The following POU2F3 variants were observed in gnomAD, a reference collection of about 807,000 sequenced individuals.
The protein encoded by POU2F3 is POU domain, class 2, transcription factor 3.
In POU2F3, 23 loss-of-function variants were observed where a neutral mutation model predicts 59.2. The ratio of observed to expected loss-of-function variants is 0.39; its 90% CI spans 0.28 to 0.55. The LOEUF is 0.55. Among genes scored for constraint, POU2F3 ranks in the 20% least tolerant of loss-of-function variants. The probability of loss-of-function intolerance (pLI) is 0.66; values close to 1 mark genes in which losing one functional copy is unlikely to be tolerated. For missense variants in POU2F3, 473 were observed against 544.5 expected (o/e 0.87, Z 1.31); for synonymous variants, 190 against 214.6 (o/e 0.89, Z 1.00).
At chr11:120,303,989 A>T (rs1184441236) in intron 6 of POU2F3, 1 of 152,164 alleles carries the variant, frequency 6.6e-6, no homozygotes, top group African/African-American at 2.4e-5. Context: ...CCAAATAGGC[A>T]CAGCATGGTT....
At chr11:120,308,976 A>AAAAG (rs1941578361) in intron 9 of POU2F3, among the ~76,000 whole-genome samples, 13 of 142,676 alleles carry the variant, frequency 9.1e-5, no homozygotes, top group Admixed American at 2.1e-4. Context: ...AAAAAAAAAA[A>AAAAG]GAAATGACAA....
chr11:120,263,054 C>T (rs1389104656), intron 2 of POU2F3, among the ~76,000 whole-genome samples: 3 of 151,736 alleles, frequency 2.0e-5, no homozygotes, highest in Non-Finnish European at 4.4e-5. Context: ...GGCAGTGGCA[C>T]AATCTTGGTT....
intron 11 of POU2F3, 45 bp downstream of exon 11, chr11:120,315,472 A>T (rs535843265): frequency 7.6e-5 from 117 of 1,549,668 alleles, no homozygotes; most frequent in Admixed American, 5.5e-4. Context: ...GAATTCTTTT[A>T]AAAAATGGGA....
At chr11:120,274,229 T>C (rs1359351737) in intron 3 of POU2F3, among the ~76,000 whole-genome samples, 4 of 152,222 alleles carry the variant, frequency 2.6e-5, no homozygotes, top group Non-Finnish European at 4.4e-5. Flanking sequence ...CCATGTGACC[T>C]TGGGCAAGTT....
rs34115412 is a variant in POU2F3, at chr11:120,315,865, C to CTT, written c.1135+461_1135+462dup. On this transcript the variant is annotated intron_variant, in intron 11 of 12. Coordinates refer to ENST00000543440, the MANE Select transcript of POU2F3 (RefSeq NM_014352.4). Reference sequence around the variant, plus strand: ...TAATTATCAATAGCACTTCCTTCCACTTTTTTTTTTTTTTTTTTTTTTTTG... The same window carrying CTT: ...TAATTATCAATAGCACTTCCTTCCACTTTTTTTTTTTTTTTTTTTTTTTTTTG... Among the ~76,000 whole-genome samples the CTT allele has an allele frequency of 1.4e-4, 10 of 73,022 alleles. No individual in the cohort carries two copies. In the South Asian group the frequency reaches 2.0e-3, roughly 15 times the overall value. 47.9% of individuals were successfully genotyped at this position (73,022 alleles called of 152,430 possible). A position where few individuals can be genotyped will look rare whatever the true frequency, so the allele number is the denominator to read the frequency against.
upstream of POU2F3, chr11:120,236,659 CA>C: frequency 2.0e-6 from 3 of 1,495,520 alleles, no homozygotes; most frequent in Non-Finnish European, 2.7e-6. Context: ...GCCCAGAGCT[CA>C]AAAAACCGGT....
intron 8 of POU2F3, 104 bp downstream of exon 8, chr11:120,305,889 C>G: frequency 7.3e-7 from 1 of 1,367,508 alleles, no homozygotes; most frequent in African/African-American, 1.4e-5. Flanking sequence ...CCTAACACCC[C>G]CTTCTTCTCC....
In POU2F3 at chr11:120,307,520, T is replaced by C. The variant is rs912232101; in HGVS notation, c.811T>C (p.Tyr271His). ...CCCCTCAGTGAGCACGCCCAGCTCC[T>C]ACCCCAGCCTCAGTGAAGTATTTGG... ...SDPSVSTPSSYPSLSEVFGRK... is the reference protein window; with the variant it reads ...SDPSVSTPSSHPSLSEVFGRK... Residue 271 changes from tyrosine (Y) to histidine (H), a missense_variant, in exon 9 of 13, where the codon TAC becomes CAC. By Grantham distance (83) the Tyr-to-His change is moderately conservative (BLOSUM62 2). Coordinates refer to ENST00000543440, the MANE Select transcript of POU2F3 (RefSeq NM_014352.4). The C allele has an allele frequency of 6.2e-7, 1 of 1,614,146 alleles. No individual in the cohort carries two copies. Among genetic ancestry groups the C allele is most frequent in the Admixed American group, 1.7e-5 (1 of 60,018 alleles).
At chr11:120,307,141 C>G (rs1181086697) in intron 8 of POU2F3, among the ~76,000 whole-genome samples, 1 of 152,182 alleles carries the variant, frequency 6.6e-6, no homozygotes, top group Non-Finnish European at 1.5e-5. Context: ...TGCCAGTGCC[C>G]CCTTACACCC....
rs147219684 is a variant in POU2F3, at chr11:120,317,290, C to A, written c.1197C>A (p.His399Gln). ...SRPSSPGSGL[H>Q]ASSPTASQNN... Reference sequence around the variant, plus strand: ...CTTCATCTCCTGGCTCAGGACTCCACGCCAGCAGCCCCACTGCATCTCAAA... The same window carrying A: ...CTTCATCTCCTGGCTCAGGACTCCAAGCCAGCAGCCCCACTGCATCTCAAA... The change falls in exon 12 of 13, where the codon CAC becomes CAA. Residue 399 changes from histidine (H) to glutamine (Q), a missense_variant. Physicochemically the swap from His to Gln is conservative, Grantham distance 24. Transcript: ENST00000543440. 30 of 1,613,872 alleles carry A rather than the reference C, an allele frequency of 1.9e-5. No individual in the cohort carries two copies. The highest frequency in any genetic ancestry group is 2.4e-5 in the Non-Finnish European group (28 of 1,179,844).
chr11:120,242,172 C>G (rs1028670405), intron 1 of POU2F3, among the ~76,000 whole-genome samples: 1 of 152,198 alleles, frequency 6.6e-6, no homozygotes, highest in Non-Finnish European at 1.5e-5. Flanking sequence ...GTTTCTGGGT[C>G]TTGGCCCCTC....
chr11:120,299,547 G>A lies in POU2F3; in HGVS notation c.259-77G>A, dbSNP rs1394782672. 9.7e-6 allele frequency: 13 copies of A among 1,340,134 alleles called. No individual in the cohort carries two copies. In the East Asian group the frequency reaches 1.6e-4, roughly 17 times the overall value. 83.0% of individuals were successfully genotyped at this position (1,340,134 alleles called of 1,614,324 possible). The stretch of plus-strand genomic sequence containing the variant: ...CTCTGAGTCTGGAGACCCCTGGGAC[G>A]GACGAGTGGCAGGCAGATGGGGCTG... On this transcript the variant is annotated intron_variant, in intron 4 of 12. Coordinates refer to ENST00000543440, the MANE Select transcript of POU2F3 (RefSeq NM_014352.4).
In POU2F3 at chr11:120,307,503, T is replaced by C. The variant is rs768857925; in HGVS notation, c.794T>C (p.Val265Ala). 8 of 1,614,030 alleles carry C rather than the reference T, an allele frequency of 5.0e-6. No homozygotes were observed. The African/African-American group carries it at 1.1e-4, about 22-fold the overall frequency. ...GAGTCCTCTCCGTCAGACCCCTCAG[T>C]GAGCACGCCCAGCTCCTACCCCAGC... The part of the protein sequence containing the change: ...DAESSPSDPS[V>A]STPSSYPSLS... The change falls in exon 9 of 13, where the codon GTG becomes GCG. Residue 265 changes from valine (V) to alanine (A), a missense_variant. Transcript: ENST00000543440.
At chr11:120,279,606 C>T (rs981918398) in intron 3 of POU2F3, among the ~76,000 whole-genome samples, 9 of 152,166 alleles carry the variant, frequency 5.9e-5, no homozygotes, top group African/African-American at 1.7e-4. Context: ...AGTTGGTAAA[C>T]GTGTTTGTTT....
intron 2 of POU2F3, among the ~76,000 whole-genome samples, chr11:120,255,202 G>T (rs1046079376): frequency 1.3e-5 from 2 of 152,126 alleles, no homozygotes; most frequent in Admixed American, 1.3e-4. Context: ...GCCTTGCCTG[G>T]GTGTGCCCAG....
intron 1 of POU2F3, among the ~76,000 whole-genome samples, chr11:120,241,630 G>GA (rs1938666587): frequency 1.3e-5 from 2 of 152,204 alleles, no homozygotes; most frequent in Non-Finnish European, 2.9e-5. Context: ...GCAGATCCCC[G>GA]GGTAGGTGCT....
chr11:120,306,927 A>G (rs545152444), intron 8 of POU2F3, among the ~76,000 whole-genome samples: 2 of 152,326 alleles, frequency 1.3e-5, no homozygotes, highest in South Asian at 4.1e-4. Context: ...CAGATGCCTG[A>G]ATCCTTCCTC....
intron 11 of POU2F3, among the ~76,000 whole-genome samples, chr11:120,316,636 G>A (rs1454778310): frequency 2.6e-5 from 4 of 152,158 alleles, no homozygotes; most frequent in Non-Finnish European, 4.4e-5. Flanking sequence ...ATGTTGCCCA[G>A]GTTGATCTTG....
chr11:120,280,989 C>T (rs1940545479), intron 3 of POU2F3, among the ~76,000 whole-genome samples: 1 of 152,172 alleles, frequency 6.6e-6, no homozygotes, highest in South Asian at 2.1e-4. Flanking sequence ...GGGGGCGGGC[C>T]CTGGCTTTCT....
Sources: allele counts gnomAD v4.1 joint callset (sites outside exome capture counted in the v4.1 genomes callset), GRCh38; gene constraint gnomAD v4.1.1; transcripts MANE v1.5; gene names NCBI Gene and HGNC (gene_info 2026-07-23, HGNC 2026-07-21).